The following CCDC146 variants were observed in gnomAD, a reference collection of about 807,000 sequenced individuals.
CCDC146 encodes the protein coiled-coil domain-containing protein 146.
CCDC146 carries 92 observed loss-of-function variants against 119.3 expected under a neutral mutation model. The ratio of observed to expected loss-of-function variants is 0.77; its 90% confidence interval spans 0.65 to 0.92. The LOEUF is 0.92. Ranked by LOEUF, CCDC146 falls within the 40% of genes least tolerant of loss-of-function variation. The pLI is 0.00. For synonymous variants in CCDC146, 372 were observed against 371.8 expected, an observed-to-expected ratio of 1.00 and a Z score of -0.01; for missense variants, 1,000 against 1,103.0, an observed-to-expected ratio of 0.91 and a Z score of 1.32.
intron 13 of CCDC146, 71 bp downstream of exon 13, chr7:77,279,172 G>A (rs1188642769): frequency 6.6e-6 from 10 of 1,512,238 alleles, no homozygotes; most frequent in Non-Finnish European, 7.2e-6. Flanking sequence ...AAAAATCCTG[G>A]GGATAAGAAG....
intron 2 of CCDC146, among the ~76,000 whole-genome samples, chr7:77,236,049 C>T (rs570266375): frequency 2.1e-5 from 3 of 142,058 alleles, no homozygotes; most frequent in African/African-American, 5.2e-5. Flanking sequence ...CCAGCCTGGA[C>T]GACAGAGTGA....
At chr7:77,239,615 C>T (rs1400938133) in intron 3 of CCDC146, among the ~76,000 whole-genome samples, 1 of 152,178 alleles carries the variant, frequency 6.6e-6, no homozygotes, top group African/African-American at 2.4e-5. Context: ...GAAGATTTAT[C>T]TTGGTGAGGA....
intron 1 of CCDC146, among the ~76,000 whole-genome samples, chr7:77,139,377 A>G (rs1790902418): frequency 6.6e-6 from 1 of 152,254 alleles, no homozygotes; most frequent in Non-Finnish European, 1.5e-5. Context: ...AGAGAGATGC[A>G]TAGGCAGAGC....
intron 2 of CCDC146, among the ~76,000 whole-genome samples, chr7:77,221,190 A>T (rs140889527): frequency 5.4e-4 from 83 of 152,312 alleles, no homozygotes; most frequent in African/African-American, 1.9e-3. Flanking sequence ...ACCTCCCATC[A>T]GACTCCACCT....
intron 1 of CCDC146, among the ~76,000 whole-genome samples, chr7:77,146,900 C>T (rs1791029580): frequency 6.6e-6 from 1 of 152,078 alleles, no homozygotes; most frequent in African/African-American, 2.4e-5. Context: ...GGAGTTGCTC[C>T]TCTCGAGGAG....
chr7:77,192,796 G>A (rs1435569741), intron 2 of CCDC146, among the ~76,000 whole-genome samples: 4 of 152,036 alleles, frequency 2.6e-5, no homozygotes, highest in Admixed American at 6.6e-5. Context: ...GGTGGCAGGC[G>A]TCTGTAGTCC....
chr7:77,182,624 A>G (rs1184158619), intron 2 of CCDC146, among the ~76,000 whole-genome samples: 1 of 152,012 alleles, frequency 6.6e-6, no homozygotes, highest in African/African-American at 2.4e-5. Context: ...ACAAATAAAC[A>G]AACAAAAAAC....
intron 1 of CCDC146, among the ~76,000 whole-genome samples, chr7:77,155,064 T>C (rs1377108685): frequency 6.6e-6 from 1 of 152,254 alleles, no homozygotes; most frequent in Non-Finnish European, 1.5e-5. Flanking sequence ...TTTGGAACTC[T>C]TAGGCTCTGC....
intron 1 of CCDC146, among the ~76,000 whole-genome samples, chr7:77,127,448 A>G (rs899546666): frequency 1.3e-5 from 2 of 152,144 alleles, no homozygotes; most frequent in Non-Finnish European, 2.9e-5. Flanking sequence ...AGCCAGCGTG[A>G]TGGCACCAGC....
intron 16 of CCDC146, 139 bp downstream of exon 16, chr7:77,287,065 T>A (rs890972484): frequency 1.1e-6 from 1 of 944,290 alleles, no homozygotes; most frequent in Non-Finnish European, 1.6e-6. Context: ...TTTGTTGTAA[T>A]CTAGTCATAC....
chr7:77,147,244 A>T (rs1211437421), intron 1 of CCDC146, among the ~76,000 whole-genome samples: 2 of 152,148 alleles, frequency 1.3e-5, no homozygotes, highest in Non-Finnish European at 2.9e-5. Flanking sequence ...TTCTCATGCC[A>T]TGGTTTTCAG....
intron 2 of CCDC146, among the ~76,000 whole-genome samples, chr7:77,177,082 C>T (rs1004082049): frequency 1.3e-5 from 2 of 152,032 alleles, no homozygotes; most frequent in Non-Finnish European, 2.9e-5. Context: ...GTGATCTACC[C>T]ACCTCGGCCT....
intron 1 of CCDC146, among the ~76,000 whole-genome samples, chr7:77,160,656 AAGG>A (rs1416246633): frequency 2.0e-5 from 3 of 152,204 alleles, no homozygotes; most frequent in Admixed American, 2.0e-4. Context: ...TTATCAGTTT[AAGG>A]AGATTTTGGG....
At chr7:77,165,339 T>G (rs1791324262) in intron 1 of CCDC146, among the ~76,000 whole-genome samples, 1 of 152,012 alleles carries the variant, frequency 6.6e-6, no homozygotes, top group Non-Finnish European at 1.5e-5. Flanking sequence ...TACTTAAAAT[T>G]TTATTTTTGA....
chr7:77,181,390 A>G (rs2150416559), intron 2 of CCDC146, among the ~76,000 whole-genome samples: 2 of 152,244 alleles, frequency 1.3e-5, no homozygotes, highest in South Asian at 4.1e-4. Flanking sequence ...TTGGCATTTG[A>G]AAAGTGTGCC....
intron 2 of CCDC146, among the ~76,000 whole-genome samples, chr7:77,178,906 G>A (rs1015115234): frequency 5.9e-5 from 9 of 152,064 alleles, no homozygotes; most frequent in African/African-American, 2.2e-4. Flanking sequence ...GGAAGCTTAA[G>A]GATTAAAATA....
At chr7:77,141,548 G>A (rs113061340) in intron 1 of CCDC146, among the ~76,000 whole-genome samples, 1,712 of 152,230 alleles carry the variant, frequency 0.011, 24 homozygotes, top group African/African-American at 0.039. Context: ...CAGTAAAAGC[G>A]TTCCTATTTC....
chr7:77,254,248 C>T (rs1562849255), intron 4 of CCDC146, among the ~76,000 whole-genome samples: 1 of 152,090 alleles, frequency 6.6e-6, no homozygotes, highest in African/African-American at 2.4e-5. Flanking sequence ...TCCCGAGGCC[C>T]GTGGTCCCCA....
chr7:77,236,388 A>G (rs868240702), intron 2 of CCDC146, among the ~76,000 whole-genome samples: 1 of 152,204 alleles, frequency 6.6e-6, no homozygotes, highest in Non-Finnish European at 1.5e-5. Context: ...ATCACGGTAC[A>G]GGGGAGTGAT....
Sources: gnomAD v4.1 joint callset for allele counts (sites outside exome capture counted in the v4.1 genomes callset) on GRCh38, gnomAD v4.1.1 for gene constraint, MANE v1.5 for transcripts, NCBI Gene and HGNC (gene_info 2026-07-23, HGNC 2026-07-21) for gene names.